CCDC92B: variants seen among roughly 807,000 people sequenced by gnomAD.
CCDC92B encodes the protein coiled-coil domain containing 92B, also known as coiled-coil domain-containing 92B.
In CCDC92B, 2 loss-of-function variants were observed where a neutral mutation model predicts 5.6. That is an observed-to-expected ratio of 0.36 (90% CI 0.15 to 1.12). CCDC92B has a LOEUF of 1.12. Among genes scored for constraint, CCDC92B ranks in the 50% most tolerant of loss-of-function variants. The pLI, the probability that CCDC92B is intolerant of heterozygous loss-of-function variation, is 0.40. For missense variants in CCDC92B, 271 were observed against 262.2 expected (o/e 1.03, Z -0.23); for synonymous variants, 115 against 122.3 (o/e 0.94, Z 0.39).
chr17:2,736,529 GTGAGTCCAGGAGTT>G (rs1480493374), intron 1 of CCDC92B, among the ~76,000 whole-genome samples: 1 of 151,880 alleles, frequency 6.6e-6, no homozygotes, highest in Non-Finnish European at 1.5e-5. Context: ...GGAAGACTGC[GTGAGTCCAGGAGTT>G]TGAGACCAGC....
intron 1 of CCDC92B, among the ~76,000 whole-genome samples, chr17:2,747,674 T>A (rs970528435): frequency 3.3e-5 from 5 of 152,014 alleles, no homozygotes; most frequent in African/African-American, 1.2e-4. Flanking sequence ...TTGCAGTGAG[T>A]TGAGATCGCA....
intron 1 of CCDC92B, among the ~76,000 whole-genome samples, chr17:2,741,355 G>A (rs1439186294): frequency 6.6e-6 from 1 of 151,984 alleles, no homozygotes; most frequent in African/African-American, 2.4e-5. Flanking sequence ...AGCAAGAGTA[G>A]GTTCACATGG....
chr17:2,725,127 C>T (rs2070711572), intron 3 of CCDC92B, 127 bp from the exon 4 acceptor site: 1 of 985,126 alleles, frequency 1.0e-6, no homozygotes, highest in African/African-American at 1.7e-5. Flanking sequence ...AATCCCAGCA[C>T]TTTGGGAGGC....
intron 3 of CCDC92B, among the ~76,000 whole-genome samples, chr17:2,727,007 T>C (rs1302156708): frequency 6.6e-6 from 1 of 150,576 alleles, no homozygotes; most frequent in Non-Finnish European, 1.5e-5. Flanking sequence ...TGGGCTTGAG[T>C]AATTCTCCCA....
intron 3 of CCDC92B, among the ~76,000 whole-genome samples, chr17:2,727,025 C>T (rs1387871933): frequency 6.6e-6 from 1 of 151,938 alleles, no homozygotes; most frequent in Non-Finnish European, 1.5e-5. Flanking sequence ...CCACCTCAGC[C>T]TTCCCAGGAG....
chr17:2,748,120 G>A (rs1409776186), intron 1 of CCDC92B: 2 of 530,600 alleles, frequency 3.8e-6, no homozygotes, highest in Non-Finnish European at 7.7e-6. Context: ...AGATCAGCCT[G>A]CATTTAGCAG....
At chr17:2,739,132 C>T (rs2070892343) in intron 1 of CCDC92B, among the ~76,000 whole-genome samples, 1 of 151,428 alleles carries the variant, frequency 6.6e-6, no homozygotes, top group Non-Finnish European at 1.5e-5. Flanking sequence ...CTTTGGGAGG[C>T]CAAGGTGGGC....
rs1181005043 is a variant in CCDC92B, at chr17:2,723,828, G to A, written c.*583C>T. The A allele has an allele frequency of 2.4e-6, 1 of 408,694 alleles. No individual in the cohort carries two copies. The allele number at this position is 408,694 out of a possible 1,614,324, so 25.3% of individuals were successfully genotyped here. ...GCACTTTTCCCACCAGGGGCTCTGGGAGGACGTGTCTTCTAAAGTGTTCCG... is the reference window on the plus strand; with the variant it reads ...GCACTTTTCCCACCAGGGGCTCTGGAAGGACGTGTCTTCTAAAGTGTTCCG... On this transcript the variant is annotated 3_prime_UTR_variant, in exon 4 of 4. Coordinates refer to ENST00000614400, the MANE Select transcript of CCDC92B (RefSeq NM_001355573.2).
chr17:2,733,884 G>A (rs572507938), intron 2 of CCDC92B, among the ~76,000 whole-genome samples: 23 of 148,022 alleles, frequency 1.6e-4, no homozygotes, highest in African/African-American at 4.2e-4. Context: ...TCAGCCTTCC[G>A]AGTAGCTGGG....
In CCDC92B at chr17:2,724,270, TG is replaced by T; in HGVS notation, c.*140del. 1 of 985,090 alleles carries T rather than the reference TG, an allele frequency of 1.0e-6. No homozygotes were observed. The highest frequency in any genetic ancestry group is 1.2e-6 in the Non-Finnish European group (1 of 829,800). 61.0% of individuals were successfully genotyped at this position (985,090 alleles called of 1,614,324 possible). On this transcript the variant is annotated 3_prime_UTR_variant, in exon 4 of 4. Coordinates refer to ENST00000614400, the MANE Select transcript of CCDC92B (RefSeq NM_001355573.2). The surrounding 1 kb of genome is among the most constrained non-coding windows in gnomAD (Gnocchi z 5.0). ...ACAAAAGGCTGGCGGTTCGGGGATTTGGGGGGAGCCGGGGCCGCCTCGCCCC... is the reference window on the plus strand; with the variant it reads ...ACAAAAGGCTGGCGGTTCGGGGATTTGGGGGAGCCGGGGCCGCCTCGCCCC...
intron 1 of CCDC92B, among the ~76,000 whole-genome samples, chr17:2,737,461 CTTTCTTTTTTTTTTTTTTTT>C (rs1228680158): frequency 1.4e-4 from 20 of 142,408 alleles, no homozygotes; most frequent in African/African-American, 5.0e-4. Context: ...CCAAATAGGC[CTTTCTTTTTTTTTTTTTTTT>C]TTTTTTTTTT....
intron 1 of CCDC92B, among the ~76,000 whole-genome samples, chr17:2,738,241 A>G (rs1325051735): frequency 6.6e-6 from 1 of 151,712 alleles, no homozygotes; most frequent in Non-Finnish European, 1.5e-5. Flanking sequence ...AGGGTTCTCT[A>G]CACCCAGGCT....
At chr17:2,733,998 G>C (rs1366055039) in intron 2 of CCDC92B, among the ~76,000 whole-genome samples, 1 of 151,850 alleles carries the variant, frequency 6.6e-6, no homozygotes, top group Admixed American at 6.6e-5. Context: ...GACCTCAGGT[G>C]ATCCACCCAC....
chr17:2,738,144 A>G (rs572898456), intron 1 of CCDC92B, among the ~76,000 whole-genome samples: 1 of 151,908 alleles, frequency 6.6e-6, no homozygotes, highest in South Asian at 2.1e-4. Flanking sequence ...GGCTCAAGCA[A>G]TCCTTCCACC....
chr17:2,730,966 G>A (rs1221989131), intron 2 of CCDC92B, among the ~76,000 whole-genome samples: 1 of 152,196 alleles, frequency 6.6e-6, no homozygotes, highest in African/African-American at 2.4e-5. Context: ...AGGCAGGCTC[G>A]GCAGTGGCTA....
intron 1 of CCDC92B, among the ~76,000 whole-genome samples, chr17:2,736,299 T>A (rs1449302970): frequency 6.6e-6 from 1 of 152,024 alleles, no homozygotes; most frequent in Non-Finnish European, 1.5e-5. Context: ...TGGTGGCACG[T>A]GCTTGTAATC....
At chr17:2,733,903 C>T (rs1410534077) in intron 2 of CCDC92B, among the ~76,000 whole-genome samples, 3 of 151,590 alleles carry the variant, frequency 2.0e-5, no homozygotes, top group Non-Finnish European at 4.4e-5. Context: ...GGATTACAGG[C>T]GTGCACCACC....
At chr17:2,743,649 G>A (rs1449873007) in intron 1 of CCDC92B, among the ~76,000 whole-genome samples, 1 of 152,088 alleles carries the variant, frequency 6.6e-6, no homozygotes, top group Non-Finnish European at 1.5e-5. Flanking sequence ...TTGCCTCGGG[G>A]ACTTTGTACA....
chr17:2,749,237 C>A (rs2071025821), intron 1 of CCDC92B, among the ~76,000 whole-genome samples, 174 bp downstream of exon 1: 1 of 152,040 alleles, frequency 6.6e-6, no homozygotes, highest in South Asian at 2.1e-4. Context: ...CGGGTCTGGG[C>A]GGTGGAGGAC....
Sources: allele counts gnomAD v4.1 joint callset (sites outside exome capture counted in the v4.1 genomes callset), GRCh38; gene constraint gnomAD v4.1.1; non-coding constraint Gnocchi (gnomAD v3.1); transcripts MANE v1.5; gene names NCBI Gene and HGNC (gene_info 2026-07-23, HGNC 2026-07-21).